The following CEBPZ variants were observed in gnomAD, a reference collection of about 807,000 sequenced individuals.
The protein encoded by CEBPZ is CCAAT/enhancer-binding protein zeta.
CEBPZ carries 78 observed loss-of-function variants against 104.5 expected under a neutral mutation model. The observed-to-expected ratio is 0.75, with a 90% confidence interval of 0.62 to 0.90. The LOEUF (loss-of-function observed/expected upper bound fraction) is 0.90, where lower values mean the gene tolerates loss of function less well. CEBPZ is among the 40% of genes least tolerant of loss of function. The pLI is 0.00. For synonymous variants in CEBPZ, 470 were observed against 427.0 expected (o/e 1.10, Z -1.24); for missense variants, 1,439 against 1,233.5 (o/e 1.17, Z -2.50).
chr2:37,217,066 T>C (rs746830619), intron 5 of CEBPZ, 29 bp from the exon 6 acceptor site: 26 of 1,575,850 alleles, frequency 1.6e-5, no homozygotes, highest in Non-Finnish European at 2.0e-5. Context: ...ATAATATCAA[T>C]ATTTCTAAGG....
chr2:37,215,303 T>C (rs549879111), intron 8 of CEBPZ: 2 of 165,114 alleles, frequency 1.2e-5, no homozygotes, highest in South Asian at 3.8e-4. Flanking sequence ...ATAATCACTT[T>C]AAACTTGTCA....
At chr2:37,220,764 G>A (rs1664752095) in intron 4 of CEBPZ, among the ~76,000 whole-genome samples, 1 of 152,184 alleles carries the variant, frequency 6.6e-6, no homozygotes. Context: ...GCTGAGGCGA[G>A]TGGATCATTT....
Position 37,228,199 on chromosome 2 carries a change from A to G in CEBPZ, c.994T>C (p.Leu332=), listed in dbSNP as rs896607673. ...NKDSRDRRLI[L]WYFEHQLKHL... is the part of the protein sequence containing the mutation. ...TTCAGCTGGTGTTCAAAATACCATA[A>G]TATCAGTCTTCTATCTCTTGAGTCC... is the stretch of plus-strand genomic sequence containing the variant. Residue 332 remains leucine (L), a synonymous_variant, in exon 2 of 16, where the codon TTA becomes CTA. Coordinates refer to ENST00000234170, the MANE Select transcript of CEBPZ (RefSeq NM_005760.3). 8.1e-6 allele frequency: 13 copies of G among 1,614,100 alleles called. No homozygotes were observed. The highest frequency in any genetic ancestry group is 8.0e-5 in the African/African-American group (6 of 74,926).
chr2:37,208,925 A>G (rs1224885818), intron 13 of CEBPZ: 5 of 152,144 alleles, frequency 3.3e-5, no homozygotes, highest in African/African-American at 4.8e-5. Context: ...AGATCTGATA[A>G]ATAAATCCAG....
intron 1 of CEBPZ, among the ~76,000 whole-genome samples, chr2:37,229,444 A>C (rs555787377): frequency 6.6e-6 from 1 of 152,352 alleles, no homozygotes; most frequent in South Asian, 2.1e-4. Flanking sequence ...AAGATGTTCA[A>C]CCTCACTGAG....
chr2:37,213,666 G>C (rs947893561), intron 10 of CEBPZ, 198 bp downstream of exon 10: 3 of 451,842 alleles, frequency 6.6e-6, no homozygotes, highest in Non-Finnish European at 1.2e-5. Flanking sequence ...TTCCTGCCTC[G>C]GCCTGCCAAA....
chr2:37,226,802 C>G (rs952390446), intron 2 of CEBPZ, among the ~76,000 whole-genome samples: 1 of 152,084 alleles, frequency 6.6e-6, no homozygotes, highest in Non-Finnish European at 1.5e-5. Context: ...TTGCTATGTT[C>G]GACTGTCTCT....
At position 37,205,079 on chromosome 2, in the gene CEBPZ, ATAACG is replaced by A. The variant is rs1322558582; in HGVS notation, c.2885-2076_2885-2072del. Among the ~76,000 whole-genome samples the A allele has an allele frequency of 3.5e-4, 54 of 152,266 alleles. 1 individual carries two copies. Among genetic ancestry groups the A allele is most frequent in the Non-Finnish European group, 7.3e-5 (5 of 68,044 alleles). On this transcript the variant is annotated intron_variant, in intron 13 of 15. Coordinates refer to ENST00000234170, the MANE Select transcript of CEBPZ (RefSeq NM_005760.3). ...CTCAAGGGAAGACAAAATCTGGAAGATAACGTGTTATAATTTAAATATGTATCAGT... is the reference window on the plus strand; with the variant it reads ...CTCAAGGGAAGACAAAATCTGGAAGATGTTATAATTTAAATATGTATCAGT...
intron 12 of CEBPZ, chr2:37,211,594 C>T (rs1416100807): frequency 2.3e-6 from 1 of 433,392 alleles, no homozygotes; most frequent in African/African-American, 2.0e-5. Context: ...ATGTATTGTA[C>T]AGAGAAGCTA....
Position 37,229,035 on chromosome 2 carries a change from T to C in CEBPZ, c.158A>G (p.Gln53Arg), listed in dbSNP as rs766053091. The change falls in exon 2 of 16, where the codon CAA becomes CGA. Residue 53 changes from glutamine (Q) to arginine (R), a missense_variant and splice_region_variant. Physicochemically the swap from Gln to Arg is conservative, Grantham distance 43. Transcript: ENST00000234170. ...EEVLRLGGTK[Q>R]DYLMLATLDE... ...CAAAGTAGCCAGCATAAGGTAATCT[T>C]GCTGCATTAAAAACATAAGTTAAAA... The C allele has an allele frequency of 3.3e-6, 5 of 1,517,652 alleles. No individual in the cohort carries two copies. Among genetic ancestry groups the C allele is most frequent in the Admixed American group, 2.4e-5 (1 of 41,704 alleles). 94.0% of individuals were successfully genotyped at this position (1,517,652 alleles called of 1,614,324 possible).
chr2:37,229,995 A>T (rs1253151568), intron 1 of CEBPZ, among the ~76,000 whole-genome samples: 1 of 152,192 alleles, frequency 6.6e-6, no homozygotes, highest in Non-Finnish European at 1.5e-5. Context: ...TGCCTGGCTC[A>T]TTTCTACAAA....
chr2:37,215,190 A>T (rs76305548), intron 8 of CEBPZ: 1 of 206,162 alleles, frequency 4.9e-6, no homozygotes, highest in Non-Finnish European at 8.1e-6. Context: ...CATAGCTGTC[A>T]GTGCCGTTAC....
chr2:37,211,031 G>A lies in CEBPZ; in HGVS notation c.2852C>T (p.Thr951Ile). ...VSTKKSKRKGTDDFDFAGSFQ... is the reference protein window; with the variant it reads ...VSTKKSKRKGIDDFDFAGSFQ... The stretch of plus-strand genomic sequence containing the variant: ...TGAGCCAGCAAAGTCAAAATCATCT[G>A]TACCTTTTCTCTTGCTTTTCTTAGT... The change falls in exon 13 of 16, where the codon ACA becomes ATA. Residue 951 changes from threonine (T) to isoleucine (I), a missense_variant. Transcript: ENST00000234170. The A allele has an allele frequency of 6.2e-7, 1 of 1,611,356 alleles. No individual in the cohort carries two copies. Among genetic ancestry groups the A allele is most frequent in the Non-Finnish European group, 8.5e-7 (1 of 1,178,898 alleles).
At chr2:37,231,255 C>T in intron 1 of CEBPZ, 157 bp downstream of exon 1, 1 of 974,694 alleles carries the variant, frequency 1.0e-6, no homozygotes, top group Non-Finnish European at 1.6e-6. Flanking sequence ...GCAGTGGAAA[C>T]CGGCGTGGGA....
chr2:37,230,454 G>GT, intron 1 of CEBPZ, among the ~76,000 whole-genome samples: 1 of 152,178 alleles, frequency 6.6e-6, no homozygotes, highest in Non-Finnish European at 1.5e-5. Flanking sequence ...TTTGCACCAC[G>GT]TGTTTCATGT....
intron 1 of CEBPZ, among the ~76,000 whole-genome samples, chr2:37,229,971 G>C (rs1322888081): frequency 6.6e-6 from 1 of 152,074 alleles, no homozygotes. Context: ...TGGGATTATG[G>C]GTGTGAGCCA....
rs746674018 is a variant in CEBPZ at position 37,202,922 on chromosome 2, G to T, written c.2943+28C>A. ...AACTAAAAATAATGTAGAATAGCTA[G>T]CTTGTTAAAACAGTACATTAGCCTT... is the stretch of plus-strand genomic sequence containing the variant. On this transcript the variant is annotated intron_variant, in intron 14 of 15. Coordinates refer to ENST00000234170, the MANE Select transcript of CEBPZ (RefSeq NM_005760.3). 5 of 1,592,716 alleles carry T rather than the reference G, an allele frequency of 3.1e-6. No individual in the cohort carries two copies. The East Asian group carries it at 1.1e-4, about 36-fold the overall frequency.
At chr2:37,227,412 G>C in intron 2 of CEBPZ, 132 bp downstream of exon 2, 2 of 685,102 alleles carry the variant, frequency 2.9e-6, no homozygotes, top group Non-Finnish European at 4.7e-6. Flanking sequence ...TGAAGGTGGC[G>C]AGTAGCAAGC....
chr2:37,227,561 A>C lies in CEBPZ; in HGVS notation c.1632T>G (p.Tyr544Ter). The change falls in exon 2 of 16, where the codon TAT (tyrosine) becomes TAG (stop). Residue 544 changes from tyrosine (Y) to a stop codon, truncating the protein, a stop_gained. Coordinates refer to ENST00000234170, the MANE Select transcript of CEBPZ (RefSeq NM_005760.3). LOFTEE classifies it high-confidence loss of function. ...GTTCTTACCTGTATAATGCTGTGTAATATCGATCCGATATTGTCTGCTGAG... is the reference window on the plus strand; with the variant it reads ...GTTCTTACCTGTATAATGCTGTGTACTATCGATCCGATATTGTCTGCTGAG... ...MNSQQTISDR[Y>*]YTALYRKMLD... 1 of 1,610,596 alleles carries C rather than the reference A, an allele frequency of 6.2e-7. No individual in the cohort carries two copies.
Sources: allele counts gnomAD v4.1 joint callset (sites outside exome capture counted in the v4.1 genomes callset), GRCh38; gene constraint gnomAD v4.1.1; transcripts MANE v1.5; gene names NCBI Gene and HGNC (gene_info 2026-07-23, HGNC 2026-07-21).